The following VGLL4 variants were observed in gnomAD, a reference collection of about 807,000 sequenced individuals.
VGLL4 encodes transcription cofactor vestigial-like protein 4.
VGLL4 carries 7 observed loss-of-function variants against 21.0 expected under a neutral mutation model. That is an observed-to-expected ratio of 0.33 (90% CI 0.19 to 0.63). The LOEUF (loss-of-function observed/expected upper bound fraction) is 0.63. VGLL4 is among the 20% of genes least tolerant of loss of function. VGLL4 has a pLI of 0.78. For missense variants in VGLL4, 394 were observed against 425.7 expected (o/e 0.93, Z 0.66); for synonymous variants, 222 against 173.2 (o/e 1.28, Z -2.21).
intron 1 of VGLL4, among the ~76,000 whole-genome samples, chr3:11,717,176 C>CT (rs778656485): frequency 3.5e-3 from 496 of 139,830 alleles, no homozygotes; most frequent in Non-Finnish European, 5.6e-3. Flanking sequence ...TATTTTTGTG[C>CT]TTTTTTTTTT....
At chr3:11,628,337 G>A (rs918959596) in intron 1 of VGLL4, among the ~76,000 whole-genome samples, 2 of 151,230 alleles carry the variant, frequency 1.3e-5, no homozygotes, top group African/African-American at 2.4e-5. Context: ...GCGGTAAACC[G>A]AGATCGTGCC....
intron 1 of VGLL4, among the ~76,000 whole-genome samples, chr3:11,623,106 A>G (rs1436281832): frequency 6.6e-6 from 1 of 152,156 alleles, no homozygotes; most frequent in Admixed American, 6.5e-5. Context: ...ATGTCACCTC[A>G]TACATATCCA....
intron 2 of VGLL4, among the ~76,000 whole-genome samples, chr3:11,573,931 G>A (rs906787638): frequency 6.6e-6 from 1 of 152,168 alleles, no homozygotes; most frequent in Admixed American, 6.5e-5. Context: ...GAAAACACTG[G>A]AAATCTGGAT....
chr3:11,653,412 C>G lies in VGLL4; in HGVS notation c.64+49559G>C, dbSNP rs1575497617. On this transcript the variant is annotated intron_variant, in intron 2 of 5. Transcript: ENST00000273038. The surrounding 1 kb of genome is among the most constrained non-coding windows in gnomAD (Gnocchi z 4.2). ...TGCTAGCTACTCTTGTGGCTGGATTCCTTCACTCCACATATTTTATGAGTG... is the reference window on the plus strand; with the variant it reads ...TGCTAGCTACTCTTGTGGCTGGATTGCTTCACTCCACATATTTTATGAGTG... 1.3e-5 allele frequency among the ~76,000 whole-genome samples: 2 copies of G among 152,164 alleles called. No homozygotes were observed. The highest frequency in any genetic ancestry group is 4.1e-4 in the South Asian group (2 of 4,820).
intron 1 of VGLL4, among the ~76,000 whole-genome samples, chr3:11,708,305 G>T (rs1321783780): frequency 6.6e-6 from 1 of 152,246 alleles, no homozygotes; most frequent in Non-Finnish European, 1.5e-5. Context: ...AGCTAGCGTG[G>T]TCTGGGAAGA....
intron 2 of VGLL4, among the ~76,000 whole-genome samples, chr3:11,566,215 TACACACACGCACACCACAC>T (rs986583878): frequency 6.6e-6 from 1 of 151,838 alleles, no homozygotes; most frequent in Non-Finnish European, 1.5e-5. Flanking sequence ...CACTGAATGT[TACACACACGCACACCACAC>T]ACACACACGC....
chr3:11,566,207 CTG>C (rs1273187827), intron 2 of VGLL4, among the ~76,000 whole-genome samples: 2 of 152,072 alleles, frequency 1.3e-5, no homozygotes, highest in African/African-American at 4.8e-5. Context: ...TACACACACA[CTG>C]AATGTTACAC....
intron 2 of VGLL4, chr3:11,702,745 C>A (rs61290616): frequency 0.015 from 2,732 of 186,160 alleles, 33 homozygotes; most frequent in African/African-American, 0.044. Flanking sequence ...AAAAAAAAAA[C>A]AAAAAAAAAA....
chr3:11,710,039 T>C (rs1250609010), intron 1 of VGLL4, among the ~76,000 whole-genome samples: 2 of 152,192 alleles, frequency 1.3e-5, no homozygotes, highest in African/African-American at 4.8e-5. Flanking sequence ...GCACATGACA[T>C]GGCAAGGGCA....
rs913565017 is a variant in VGLL4, at chr3:11,562,625, G to A, written c.495+2172C>T. ...TCAGCAGGGCGCCCGAGCCCAGCTC[G>A]GATTGGTGTGCATGGCCTCAGCCCC... is the stretch of plus-strand genomic sequence containing the variant. On this transcript the variant is annotated intron_variant, in intron 3 of 4. Transcript: ENST00000430365. Among the ~76,000 whole-genome samples the A allele has an allele frequency of 3.3e-5, 5 of 152,256 alleles. No individual in the cohort carries two copies. In the South Asian group the frequency reaches 6.2e-4, roughly 19 times the overall value.
chr3:11,663,445 G>A (rs938887860), intron 2 of VGLL4, among the ~76,000 whole-genome samples: 25 of 152,354 alleles, frequency 1.6e-4, no homozygotes, highest in African/African-American at 5.5e-4. Flanking sequence ...TAGGCAAGGC[G>A]CGGTGGCTCA....
rs914842655 is a variant in VGLL4, at chr3:11,556,874, G to C, written c.*1682C>G. 1 of 152,790 alleles carries C rather than the reference G, an allele frequency of 6.5e-6. No homozygotes were observed. The highest frequency in any genetic ancestry group is 1.5e-5 in the Non-Finnish European group (1 of 68,050). 9.5% of individuals were successfully genotyped at this position (152,790 alleles called of 1,614,324 possible). On this transcript the variant is annotated 3_prime_UTR_variant, in exon 5 of 5. Coordinates refer to ENST00000430365, the MANE Select transcript of VGLL4 (RefSeq NM_001128219.3). Reference sequence around the variant, plus strand: ...ACAGTGGGAGTGAAATGTGTGCGGGGCAAGGAGAAGGGCTTTTCTTTCCTC... The same window carrying C: ...ACAGTGGGAGTGAAATGTGTGCGGGCCAAGGAGAAGGGCTTTTCTTTCCTC...
At chr3:11,660,179 T>G (rs926865406) in intron 2 of VGLL4, among the ~76,000 whole-genome samples, 1 of 151,822 alleles carries the variant, frequency 6.6e-6, no homozygotes, top group Non-Finnish European at 1.5e-5. Context: ...AAAAAAAAAT[T>G]TCCCATCCTG....
At chr3:11,577,032 G>A (rs534565645) in intron 2 of VGLL4, among the ~76,000 whole-genome samples, 2 of 152,320 alleles carry the variant, frequency 1.3e-5, no homozygotes, top group African/African-American at 4.8e-5. Context: ...GGAGAAACCA[G>A]CAGCAACAGG....
At position 11,558,567 on chromosome 3, in the gene VGLL4, CAG is replaced by C; in HGVS notation, c.878_879del (p.Ser293CysfsTer20). The C allele has an allele frequency of 6.2e-7, 1 of 1,601,284 alleles. No individual in the cohort carries two copies. The highest frequency in any genetic ancestry group is 8.5e-7 in the Non-Finnish European group (1 of 1,179,568). ...AGGAGGCGCTCCCTTCAGGAGACCA[CAG>C]AGGGGGAGTGACTGTGGCTGACCAT... is the stretch of plus-strand genomic sequence containing the variant. ...AHMVSHSHSP[S>X]VVS On this transcript the variant is annotated frameshift_variant, in exon 5 of 5. Transcript: ENST00000430365. LOFTEE classifies it high-confidence loss of function.
At chr3:11,718,297 G>A (rs1321796264) in intron 1 of VGLL4, among the ~76,000 whole-genome samples, 1 of 152,200 alleles carries the variant, frequency 6.6e-6, no homozygotes, top group Non-Finnish European at 1.5e-5. Flanking sequence ...TGTCTTGAGT[G>A]TAAGACAAGA....
intron 2 of VGLL4, among the ~76,000 whole-genome samples, chr3:11,651,331 A>G (rs1425866437): frequency 6.9e-6 from 1 of 145,816 alleles, no homozygotes; most frequent in Admixed American, 6.8e-5. Context: ...CGATAGAGTG[A>G]GACTCAAAAA....
chr3:11,559,178 C>T (rs1199707537), intron 4 of VGLL4, among the ~76,000 whole-genome samples, 154 bp downstream of exon 4: 11 of 152,230 alleles, frequency 7.2e-5, no homozygotes, highest in East Asian at 1.9e-4. Context: ...TCATGCGCAA[C>T]GCTAGGCGCA....
intron 2 of VGLL4, among the ~76,000 whole-genome samples, chr3:11,696,166 A>G (rs2076604223): frequency 1.3e-5 from 2 of 152,198 alleles, no homozygotes; most frequent in Admixed American, 6.5e-5. Context: ...AACCAGACTC[A>G]ACACCAAGAC....
Sources: allele counts gnomAD v4.1 joint callset (sites outside exome capture counted in the v4.1 genomes callset), GRCh38; gene constraint gnomAD v4.1.1; non-coding constraint Gnocchi (gnomAD v3.1); transcripts MANE v1.5; gene names NCBI Gene and HGNC (gene_info 2026-07-23, HGNC 2026-07-21).